The following C6orf132 variants were observed in gnomAD, a reference collection of about 807,000 sequenced individuals.
The protein encoded by C6orf132 is chromosome 6 open reading frame 132.
A neutral mutation model predicts 65.3 loss-of-function variants in C6orf132; 43 were observed. The observed-to-expected ratio is 0.66, with a 90% CI of 0.52 to 0.85. The LOEUF (loss-of-function observed/expected upper bound fraction) is 0.85, where lower values mean the gene tolerates loss of function less well. Ranked by LOEUF, C6orf132 falls within the 40% of genes least tolerant of loss-of-function variation. The pLI is 0.00. For missense variants in C6orf132, 1,488 were observed against 1,548.8 expected (o/e 0.96, Z 0.66); for synonymous variants, 631 against 654.1 (o/e 0.96, Z 0.54).
chr6:42,106,858 C>T lies in C6orf132; in HGVS notation c.1054G>A (p.Val352Ile). The T allele has an allele frequency of 6.5e-7, 1 of 1,535,480 alleles. No homozygotes were observed. Among genetic ancestry groups the T allele is most frequent in the Non-Finnish European group, 8.7e-7 (1 of 1,146,408 alleles). ...GGCTCGGGGGCCCTGTCTGGGTAGA[C>T]CTGGGAGGCGGGGCGGATGTGGAAG... is the stretch of plus-strand genomic sequence containing the variant. ...PSFHIRPASQVYPDRAPEPDC... is the reference protein window; with the variant it reads ...PSFHIRPASQIYPDRAPEPDC... Residue 352 changes from valine (V) to isoleucine (I), a missense_variant, in exon 4 of 5, where the codon GTC becomes ATC. Physicochemically the swap from Val to Ile is conservative, Grantham distance 29. Coordinates refer to ENST00000341865, the MANE Select transcript of C6orf132 (RefSeq NM_001164446.3).
chr6:42,124,720 T>C lies in C6orf132; in HGVS notation c.252+3952A>G, dbSNP rs1007831468. On this transcript the variant is annotated intron_variant, in intron 2 of 4. Transcript: ENST00000341865. The surrounding 1 kb of genome is among the most constrained non-coding windows in gnomAD (Gnocchi z 4.0). ...GTGTGAGCCCACACCCACACAGAGC[T>C]TGTCCTCCCTCTTCTCCCCATCCTT... Among the ~76,000 whole-genome samples the C allele has an allele frequency of 6.6e-6, 1 of 152,194 alleles. No homozygotes were observed. The highest frequency in any genetic ancestry group is 1.5e-5 in the Non-Finnish European group (1 of 68,022).
At chr6:42,142,191 C>T (rs746823702) in intron 1 of C6orf132, 109 bp downstream of exon 1, 7 of 1,279,162 alleles carry the variant, frequency 5.5e-6, no homozygotes, top group East Asian at 5.1e-5. Flanking sequence ...GGCCAGTCCG[C>T]AGGTTCCAAC....
intron 1 of C6orf132, among the ~76,000 whole-genome samples, chr6:42,139,466 A>T (rs1767001146): frequency 6.6e-6 from 1 of 152,214 alleles, no homozygotes; most frequent in Non-Finnish European, 1.5e-5. Context: ...TGCAGGCCAT[A>T]AGGTCTCTTT....
intron 1 of C6orf132, among the ~76,000 whole-genome samples, chr6:42,131,648 C>T (rs1311814083): frequency 6.6e-6 from 1 of 152,186 alleles, no homozygotes; most frequent in Middle Eastern, 3.2e-3. Context: ...GGTGAGGCAG[C>T]TTGTTCGAAG....
At chr6:42,122,250 C>G (rs1766700343) in intron 2 of C6orf132, among the ~76,000 whole-genome samples, 1 of 149,210 alleles carries the variant, frequency 6.7e-6, no homozygotes, top group African/African-American at 2.4e-5. Context: ...ATGGCGGGCC[C>G]AGGTCTGCTC....
Position 42,105,695 on chromosome 6 carries a change from C to T in C6orf132, c.2217G>A (p.Glu739=). ...SQARGEGSPS[E]ATRLPTQGAR... Reference sequence around the variant, plus strand: ...CTCCCTGTGTGGGCAGCCTAGTGGCCTCTGAGGGGGACCCCTCTCCCCTTG... The same window carrying T: ...CTCCCTGTGTGGGCAGCCTAGTGGCTTCTGAGGGGGACCCCTCTCCCCTTG... Residue 739 remains glutamate, a synonymous_variant, in exon 4 of 5, where the codon GAG becomes GAA. Coordinates refer to ENST00000341865, the MANE Select transcript of C6orf132 (RefSeq NM_001164446.3). 1 of 1,537,320 alleles carries T rather than the reference C, an allele frequency of 6.5e-7. No homozygotes were observed. Among genetic ancestry groups the T allele is most frequent in the South Asian group, 1.2e-5 (1 of 84,068 alleles).
intron 1 of C6orf132, among the ~76,000 whole-genome samples, chr6:42,138,850 A>AACACACACACACACACACACACAC (rs59373265): frequency 9.2e-4 from 131 of 142,858 alleles, no homozygotes; most frequent in South Asian, 1.7e-3. Flanking sequence ...CATGCATTTA[A>AACACACACACACACACACACACAC]ACACACACAC....
chr6:42,112,185 G>A (rs554615173), intron 2 of C6orf132, among the ~76,000 whole-genome samples: 4 of 152,294 alleles, frequency 2.6e-5, no homozygotes, highest in Admixed American at 1.3e-4. Flanking sequence ...ACACCACTCT[G>A]TATAGAAGAG....
rs1766327233 is a variant in C6orf132 at position 42,103,396 on chromosome 6, C to G, written c.*365G>C. The G allele has an allele frequency of 1.0e-5, 4 of 396,604 alleles. No homozygotes were observed. The Admixed American group carries it at 1.8e-4, about 17-fold the overall frequency. The allele number at this position is 396,604 out of a possible 1,614,324, so 24.6% of individuals were successfully genotyped here. ...CAGTCAGTGCCCCACCCCTTGCTTTCAGAACCTGCTCAGTAGGCCGTGCTT... is the reference window on the plus strand; with the variant it reads ...CAGTCAGTGCCCCACCCCTTGCTTTGAGAACCTGCTCAGTAGGCCGTGCTT... On this transcript the variant is annotated 3_prime_UTR_variant, in exon 5 of 5. Coordinates refer to ENST00000341865, the MANE Select transcript of C6orf132 (RefSeq NM_001164446.3).
chr6:42,142,264 C>T (rs1331514931), intron 1 of C6orf132, 36 bp downstream of exon 1: 7 of 1,540,522 alleles, frequency 4.5e-6, no homozygotes, highest in South Asian at 2.4e-5. Flanking sequence ...CGCCCTCCGT[C>T]CCCGCCCCAG....
chr6:42,105,933 G>C lies in C6orf132; in HGVS notation c.1979C>G (p.Ala660Gly). 2.6e-6 allele frequency: 4 copies of C among 1,537,210 alleles called. No individual in the cohort carries two copies. The highest frequency in any genetic ancestry group is 3.5e-6 in the Non-Finnish European group (4 of 1,146,896). ...AIPPKATLWPATPPKATLGPA... is the reference protein window; with the variant it reads ...AIPPKATLWPGTPPKATLGPA... ...CCCAAGTGTGGCCTTGGGTGGTGTG[G>C]CTGGCCAAAGTGTAGCCTTGGGTGG... is the stretch of plus-strand genomic sequence containing the variant. The change falls in exon 4 of 5, where the codon GCC (alanine) becomes GGC (glycine). Residue 660 changes from alanine (A) to glycine (G), a missense_variant. By Grantham distance (60) the Ala-to-Gly change is moderately conservative (BLOSUM62 0). Coordinates refer to ENST00000341865, the MANE Select transcript of C6orf132 (RefSeq NM_001164446.3).
rs1767059472 is a variant in C6orf132 at position 42,142,609 on chromosome 6, T to G, written c.-165A>C. On this transcript the variant is annotated 5_prime_UTR_variant, in exon 1 of 5. Coordinates refer to ENST00000341865, the MANE Select transcript of C6orf132 (RefSeq NM_001164446.3). ...CAACAGGTGCTGCGGGCGCCGCCGC[T>G]TGCCGGGAAATGCGAGCTACCTGGC... The G allele has an allele frequency of 1.2e-5, 7 of 601,328 alleles. No individual in the cohort carries two copies. The highest frequency in any genetic ancestry group is 3.6e-5 in the South Asian group (1 of 27,580). The allele number at this position is 601,328 out of a possible 1,614,324, so 37.2% of individuals were successfully genotyped here. A position where few individuals can be genotyped will look rare whatever the true frequency, so the allele number is the denominator to read the frequency against.
intron 2 of C6orf132, among the ~76,000 whole-genome samples, chr6:42,121,292 C>A (rs546267087): frequency 6.6e-6 from 1 of 152,330 alleles, no homozygotes; most frequent in South Asian, 2.1e-4. Context: ...ATGGGTTCTT[C>A]CCCATGGTCA....
In C6orf132 at chr6:42,124,226, C is replaced by A. The variant is rs190626407; in HGVS notation, c.252+4446G>T. ...GTATTAGCCCCTGGTCCCATCCCAG[C>A]CACTGAGGGATCCCGAGGTCCTTTT... On this transcript the variant is annotated intron_variant, in intron 2 of 4. Coordinates refer to ENST00000341865, the MANE Select transcript of C6orf132 (RefSeq NM_001164446.3). This position sits in a 1 kb window ranked among gnomAD's most constrained non-coding sequence, Gnocchi z 4.0. 6.6e-6 allele frequency among the ~76,000 whole-genome samples: 1 copy of A among 152,354 alleles called. No individual in the cohort carries two copies. The highest frequency in any genetic ancestry group is 1.5e-5 in the Non-Finnish European group (1 of 68,028).
chr6:42,105,880 C>T lies in C6orf132; in HGVS notation c.2032G>A (p.Gly678Arg). 2 of 1,537,112 alleles carry T rather than the reference C, an allele frequency of 1.3e-6. No homozygotes were observed. Among genetic ancestry groups the T allele is most frequent in the South Asian group, 2.4e-5 (2 of 84,052 alleles). ...GTGGCCTTGAGTGGTGTGGTTGGCC[C>T]AGATGTGGCCTTGAGTGGTGTGGCT... ...GPATPLKATS[G>R]PTTPLKATSG... The change falls in exon 4 of 5, where the codon GGG becomes AGG. Residue 678 changes from glycine (G) to arginine (R), a missense_variant. Physicochemically the swap from Gly to Arg is moderately radical, Grantham distance 125. Coordinates refer to ENST00000341865, the MANE Select transcript of C6orf132 (RefSeq NM_001164446.3).
Position 42,106,502 on chromosome 6 carries a change from C to A in C6orf132, c.1410G>T (p.Leu470=). 6.5e-7 allele frequency: 1 copy of A among 1,536,412 alleles called. No homozygotes were observed. Among genetic ancestry groups the A allele is most frequent in the Non-Finnish European group, 8.7e-7 (1 of 1,146,864 alleles). Reference sequence around the variant, plus strand: ...AGAGATAGGCTGCCAGCTCGTTCCGCAGCTTTTCCATCTGGCTGGGGTCCC... The same window carrying A: ...AGAGATAGGCTGCCAGCTCGTTCCGAAGCTTTTCCATCTGGCTGGGGTCCC... The part of the protein sequence containing the change: ...DWRDPSQMEK[L]RNELAAYLCG... The change falls in exon 4 of 5, where the codon CTG becomes CTT. Residue 470 remains leucine, a synonymous_variant. Transcript: ENST00000341865.
At chr6:42,132,391 TGTA>T (rs1766867790) in intron 1 of C6orf132, among the ~76,000 whole-genome samples, 1 of 151,960 alleles carries the variant, frequency 6.6e-6, no homozygotes, top group South Asian at 2.1e-4. Flanking sequence ...GGCATGCACC[TGTA>T]GTCCCAGCTA....
intron 1 of C6orf132, among the ~76,000 whole-genome samples, chr6:42,138,705 C>T (rs973467364): frequency 3.9e-5 from 6 of 152,198 alleles, no homozygotes; most frequent in Admixed American, 1.3e-4. Context: ...GCGGGTGCAG[C>T]GGTGGTAGAT....
chr6:42,110,090 G>A (rs1437187989), intron 3 of C6orf132, 126 bp downstream of exon 3: 1 of 718,570 alleles, frequency 1.4e-6, no homozygotes, highest in Non-Finnish European at 2.2e-6. Flanking sequence ...AGGATGGCGA[G>A]AGTGGCTGTG....
Sources: allele counts gnomAD v4.1 joint callset (sites outside exome capture counted in the v4.1 genomes callset), GRCh38; gene constraint gnomAD v4.1.1; non-coding constraint Gnocchi (gnomAD v3.1); transcripts MANE v1.5; gene names NCBI Gene and HGNC (gene_info 2026-07-23, HGNC 2026-07-21).